The following MSL2 variants were observed in gnomAD, a reference collection of about 807,000 sequenced individuals.
MSL2 encodes the protein E3 ubiquitin-protein ligase MSL2.
A neutral mutation model predicts 35.8 loss-of-function variants in MSL2; 2 were observed. The observed-to-expected ratio is 0.06, with a 90% confidence interval of 0.02 to 0.18. The LOEUF (loss-of-function observed/expected upper bound fraction) is 0.18, where lower values mean the gene tolerates loss of function less well. Ranked by LOEUF, MSL2 falls within the 10% of genes least tolerant of loss-of-function variation. MSL2 has a pLI of 1.00. For missense variants in MSL2, 523 were observed against 706.7 expected (o/e 0.74, Z 2.95); for synonymous variants, 296 against 255.7 (o/e 1.16, Z -1.50).
At chr3:136,166,068 A>C (rs1383083905) in intron 1 of MSL2, among the ~76,000 whole-genome samples, 2 of 139,942 alleles carry the variant, frequency 1.4e-5, no homozygotes, top group Non-Finnish European at 3.0e-5. Flanking sequence ...CCAGTAAAAA[A>C]AAAAAAAAAA....
chr3:136,160,309 A>AGGAGGGAG (rs1295117399), intron 1 of MSL2, among the ~76,000 whole-genome samples: 1 of 75,318 alleles, frequency 1.3e-5, no homozygotes, highest in African/African-American at 4.9e-5. Context: ...GAGGGAAGGA[A>AGGAGGGAG]GGAGGGAGGG....
chr3:136,152,778 T>C (rs548715971), intron 1 of MSL2, 40 bp from the exon 2 acceptor site: 2 of 1,583,870 alleles, frequency 1.3e-6, no homozygotes, highest in East Asian at 2.2e-5. Context: ...TTTAGTAAAA[T>C]AAATTTACCA....
rs922600466 is a variant in MSL2 at position 136,149,300 on chromosome 3, A to G, written c.*1847T>C. Reference sequence around the variant, plus strand: ...ATTAGTGAATAAAGAACAGATTTACAACTTTATATAGCAGGGCATCTGGGT... The same window carrying G: ...ATTAGTGAATAAAGAACAGATTTACGACTTTATATAGCAGGGCATCTGGGT... On this transcript the variant is annotated 3_prime_UTR_variant, in exon 2 of 2. Transcript: ENST00000309993. 1 of 152,622 alleles carries G rather than the reference A, an allele frequency of 6.6e-6. No individual in the cohort carries two copies. Among genetic ancestry groups the G allele is most frequent in the Admixed American group, 6.5e-5 (1 of 15,272 alleles). 9.5% of individuals were successfully genotyped at this position (152,622 alleles called of 1,614,324 possible).
intron 1 of MSL2, chr3:136,155,648 G>A (rs748159360): frequency 1.6e-5 from 7 of 426,120 alleles, no homozygotes; most frequent in Non-Finnish European, 3.3e-5. Context: ...CGCCCATGGG[G>A]ATACAGGACA....
Position 136,150,542 on chromosome 3 carries a change from T to C in MSL2, c.*605A>G, listed in dbSNP as rs1939328047. On this transcript the variant is annotated 3_prime_UTR_variant, in exon 2 of 2. Coordinates refer to ENST00000309993, the MANE Select transcript of MSL2 (RefSeq NM_018133.4). ...TGTAGTCTGACAGAATTTTACTTTTTAAAAAGATTTCTTAAACATTCTAAT... is the reference window on the plus strand; with the variant it reads ...TGTAGTCTGACAGAATTTTACTTTTCAAAAAGATTTCTTAAACATTCTAAT... 1 of 152,720 alleles carries C rather than the reference T, an allele frequency of 6.5e-6. No individual in the cohort carries two copies. The highest frequency in any genetic ancestry group is 1.5e-5 in the Non-Finnish European group (1 of 68,098). 9.5% of individuals were successfully genotyped at this position (152,720 alleles called of 1,614,324 possible). A position where few individuals can be genotyped will look rare whatever the true frequency, so the allele number is the denominator to read the frequency against.
intron 1 of MSL2, among the ~76,000 whole-genome samples, chr3:136,153,789 CAA>C (rs796710692): frequency 8.8e-6 from 1 of 113,806 alleles, no homozygotes. Context: ...GACTTAGTCT[CAA>C]AAAAAAAAAG....
intron 1 of MSL2, among the ~76,000 whole-genome samples, chr3:136,169,968 T>C (rs140566892): frequency 1.3e-5 from 2 of 151,336 alleles, no homozygotes; most frequent in Admixed American, 1.3e-4. Flanking sequence ...CACAAATCAT[T>C]TGAGCCCAGG....
At chr3:136,154,714 T>G (rs1939470303) in intron 1 of MSL2, among the ~76,000 whole-genome samples, 1 of 152,166 alleles carries the variant, frequency 6.6e-6, no homozygotes, top group Non-Finnish European at 1.5e-5. Flanking sequence ...AGAATGCAAC[T>G]AAAGCAGTGT....
intron 1 of MSL2, among the ~76,000 whole-genome samples, chr3:136,165,933 G>A (rs1332450371): frequency 6.6e-6 from 1 of 151,906 alleles, no homozygotes; most frequent in Non-Finnish European, 1.5e-5. Flanking sequence ...AAATACTTGA[G>A]GGGATTTTAC....
At position 136,149,392 on chromosome 3, in the gene MSL2, G is replaced by A. The variant is rs888621756; in HGVS notation, c.*1755C>T. ...CATAAGACACTGCTAACACTTAAAGGAATTAAATAAAATTCCAAATCTTGG... is the reference window on the plus strand; with the variant it reads ...CATAAGACACTGCTAACACTTAAAGAAATTAAATAAAATTCCAAATCTTGG... On this transcript the variant is annotated 3_prime_UTR_variant, in exon 2 of 2. Coordinates refer to ENST00000309993, the MANE Select transcript of MSL2 (RefSeq NM_018133.4). 6.6e-6 allele frequency: 1 copy of A among 152,298 alleles called. No homozygotes were observed. Among genetic ancestry groups the A allele is most frequent in the Non-Finnish European group, 1.5e-5 (1 of 67,970 alleles). 9.4% of individuals were successfully genotyped at this position (152,298 alleles called of 1,614,324 possible).
intron 1 of MSL2, chr3:136,194,683 G>A (rs1013225647): frequency 9.4e-6 from 3 of 318,426 alleles, no homozygotes; most frequent in African/African-American, 4.6e-5. Context: ...AAAAAGCCTT[G>A]TGCATGCATC....
chr3:136,158,260 C>T (rs1939589422), intron 1 of MSL2, among the ~76,000 whole-genome samples: 1 of 151,164 alleles, frequency 6.6e-6, no homozygotes, highest in Non-Finnish European at 1.5e-5. Context: ...TGCGGTGAGC[C>T]GAGATCATGC....
rs146039687 is a variant in MSL2, at chr3:136,164,935, G to A, written c.143-12197C>T. Reference sequence around the variant, plus strand: ...TGTTGCCCACCTGGAGTGCAGTGGCGTGATCTTGGCTCACCGCAACCTCCA... The same window carrying A: ...TGTTGCCCACCTGGAGTGCAGTGGCATGATCTTGGCTCACCGCAACCTCCA... On this transcript the variant is annotated intron_variant, in intron 1 of 1. Coordinates refer to ENST00000309993, the MANE Select transcript of MSL2 (RefSeq NM_018133.4). 7.6e-3 allele frequency among the ~76,000 whole-genome samples: 1,151 copies of A among 151,776 alleles called. 18 individuals carry two copies. Among genetic ancestry groups the A allele is most frequent in the African/African-American group, 0.026 (1,074 of 41,340 alleles).
At position 136,195,685 on chromosome 3, in the gene MSL2, G is replaced by A. The variant is rs1940823137; in HGVS notation, c.-572C>T. On this transcript the variant is annotated 5_prime_UTR_variant, in exon 1 of 2. Transcript: ENST00000309993. ...AGACGCCGCGGCGGCGACGAAGGTT[G>A]ATGTTGCGGCTGGCGGACGCCGCCG... is the stretch of plus-strand genomic sequence containing the variant. The A allele has an allele frequency of 2.0e-6, 2 of 985,430 alleles. No individual in the cohort carries two copies. Among genetic ancestry groups the A allele is most frequent in the Non-Finnish European group, 2.4e-6 (2 of 829,944 alleles). The allele number at this position is 985,430 out of a possible 1,614,324, so 61.0% of individuals were successfully genotyped here.
At chr3:136,160,032 G>C (rs1012872201) in intron 1 of MSL2, among the ~76,000 whole-genome samples, 5 of 152,096 alleles carry the variant, frequency 3.3e-5, no homozygotes, top group African/African-American at 1.2e-4. Flanking sequence ...AGCACTTTGG[G>C]AGGCTAAGGT....
At chr3:136,170,403 G>T (rs549564089) in intron 1 of MSL2, among the ~76,000 whole-genome samples, 1 of 147,902 alleles carries the variant, frequency 6.8e-6, no homozygotes, top group Admixed American at 6.8e-5. Context: ...TGTGACTGAA[G>T]TACAAGACCT....
In MSL2 at chr3:136,151,522, G is replaced by A; in HGVS notation, c.1359C>T (p.Tyr453=). ...ACCCTTTCTTTTCCTGGGGTTTTTT[G>A]TACACAGTCTTGGTAGGACTTCCTG... ...FMPGSPTKTV[Y]KKPQEKKGCK... is the part of the protein sequence containing the mutation. The change falls in exon 2 of 2, where the codon TAC becomes TAT. Residue 453 remains tyrosine (Y), a synonymous_variant. Transcript: ENST00000309993. The surrounding 1 kb of genome is among the most constrained non-coding windows in gnomAD (Gnocchi z 5.2). 1 of 1,614,150 alleles carries A rather than the reference G, an allele frequency of 6.2e-7. No individual in the cohort carries two copies. Among genetic ancestry groups the A allele is most frequent in the Non-Finnish European group, 8.5e-7 (1 of 1,180,024 alleles).
intron 1 of MSL2, among the ~76,000 whole-genome samples, chr3:136,171,047 G>A (rs571685214): frequency 3.3e-5 from 5 of 152,150 alleles, no homozygotes; most frequent in African/African-American, 1.2e-4. Flanking sequence ...TGTATGTTTG[G>A]CATTGTAAAA....
At chr3:136,184,043 C>T (rs190272646) in intron 1 of MSL2, among the ~76,000 whole-genome samples, 16 of 152,158 alleles carry the variant, frequency 1.1e-4, no homozygotes, top group Admixed American at 4.6e-4. Context: ...TGCCTGTAAT[C>T]GCAGCACTTT....
Sources: allele counts gnomAD v4.1 joint callset (sites outside exome capture counted in the v4.1 genomes callset), GRCh38; gene constraint gnomAD v4.1.1; non-coding constraint Gnocchi (gnomAD v3.1); transcripts MANE v1.5; gene names NCBI Gene and HGNC (gene_info 2026-07-23, HGNC 2026-07-21).